Variants in STK10 observed in about 807,000 individuals in gnomAD.
STK10 encodes serine/threonine kinase 10.
In STK10, 78 loss-of-function variants were observed where a neutral mutation model predicts 113.8. That is an observed-to-expected ratio of 0.69 (90% confidence interval 0.57 to 0.83). The LOEUF is 0.83. Ranked by LOEUF, STK10 falls within the 40% of genes least tolerant of loss-of-function variation. The probability of loss-of-function intolerance (pLI) is 0.00; values close to 1 mark genes in which losing one functional copy is unlikely to be tolerated. For missense variants in STK10, 1,109 were observed against 1,280.1 expected (o/e 0.87, Z 2.04); for synonymous variants, 465 against 494.7 (o/e 0.94, Z 0.80).
At chr5:172,074,154 C>A (rs1360781257) in intron 12 of STK10, among the ~76,000 whole-genome samples, 1 of 152,066 alleles carries the variant, frequency 6.6e-6, no homozygotes, top group East Asian at 1.9e-4. Context: ...CAATCCCAAT[C>A]AAAAACTCAG....
chr5:172,146,683 A>G (rs1770094778), intron 2 of STK10, among the ~76,000 whole-genome samples: 1 of 152,208 alleles, frequency 6.6e-6, no homozygotes, highest in Non-Finnish European at 1.5e-5. Flanking sequence ...GCCAAGTCAG[A>G]TGTCTGGATT....
chr5:172,089,403 T>TGGATGGATGGATGGATGGATGGAA (rs1768637503), intron 10 of STK10, among the ~76,000 whole-genome samples: 11 of 144,944 alleles, frequency 7.6e-5, no homozygotes, highest in African/African-American at 2.7e-4. Context: ...CATGGATGGA[T>TGGATGGATGGATGGATGGATGGAA]GGATGGATGG....
intron 2 of STK10, among the ~76,000 whole-genome samples, chr5:172,131,749 T>G (rs1217833321): frequency 6.6e-6 from 1 of 152,192 alleles, no homozygotes; most frequent in Non-Finnish European, 1.5e-5. Context: ...TGGGGTTTAA[T>G]TAATAAAACA....
intron 7 of STK10, among the ~76,000 whole-genome samples, chr5:172,101,043 T>C (rs56679140): frequency 6.6e-6 from 1 of 152,202 alleles, no homozygotes; most frequent in Non-Finnish European, 1.5e-5. Context: ...CGTTTTACCA[T>C]CTGCTCAACA....
At chr5:172,056,662 G>A (rs1464361607) in intron 15 of STK10, among the ~76,000 whole-genome samples, 1 of 151,796 alleles carries the variant, frequency 6.6e-6, no homozygotes, top group Admixed American at 6.6e-5. Context: ...GAGGTCAGGG[G>A]TTTGAGACCA....
chr5:172,096,522 C>G lies in STK10; in HGVS notation c.909G>C (p.Leu303=), dbSNP rs1768858903. ...FVSSITSNKA[L]RELVAEAKAE... is the part of the protein sequence containing the mutation. ...CCTTGGCCTCAGCCACCAGCTCCCG[C>G]AGAGCCTTGTTACTGGTGATGCTGC... Residue 303 remains leucine, a synonymous_variant, in exon 8 of 19, where the codon CTG becomes CTC. Coordinates refer to ENST00000176763, the MANE Select transcript of STK10 (RefSeq NM_005990.4). 1 of 1,613,692 alleles carries G rather than the reference C, an allele frequency of 6.2e-7. No individual in the cohort carries two copies. Among genetic ancestry groups the G allele is most frequent in the Admixed American group, 1.7e-5 (1 of 60,010 alleles).
intron 12 of STK10, among the ~76,000 whole-genome samples, chr5:172,079,640 C>A (rs1200513412): frequency 6.6e-6 from 1 of 152,088 alleles, no homozygotes; most frequent in African/African-American, 2.4e-5. Context: ...CGGCTCACTG[C>A]AACCTCCGTC....
chr5:172,164,650 T>C (rs1021620914), intron 1 of STK10, among the ~76,000 whole-genome samples: 6 of 151,990 alleles, frequency 3.9e-5, no homozygotes, highest in African/African-American at 1.5e-4. Flanking sequence ...CCCCCCTATA[T>C]GGGGGAGGAT....
chr5:172,105,586 CG>C (rs1380227595), intron 7 of STK10, 69 bp downstream of exon 7: 1 of 1,503,492 alleles, frequency 6.7e-7, no homozygotes, highest in Non-Finnish European at 9.2e-7. Context: ...ACATGCCCAG[CG>C]TCCAGGTCAC....
chr5:172,162,918 C>A (rs569056709), intron 1 of STK10, among the ~76,000 whole-genome samples: 2 of 152,222 alleles, frequency 1.3e-5, no homozygotes, highest in Non-Finnish European at 2.9e-5. Context: ...ACTGACCAGA[C>A]GGCCAGGCCT....
At position 172,082,640 on chromosome 5, in the gene STK10, T is replaced by C. The variant is rs11741056; in HGVS notation, c.1810-135A>G. On this transcript the variant is annotated intron_variant, in intron 11 of 18. Transcript: ENST00000176763. The surrounding 1 kb of genome is among the most constrained non-coding windows in gnomAD (Gnocchi z 4.3). The stretch of plus-strand genomic sequence containing the variant: ...AATCCCAGCTCTACTACCCCGTTGC[T>C]GTGTGACCTGGGGCAAGTTACTTAG... 0.31 allele frequency: 362,800 copies of C among 1,184,784 alleles called. 62,366 individuals carry two copies. The highest frequency in any genetic ancestry group is 0.67 in the African/African-American group (43,471 of 64,598). 73.4% of individuals were successfully genotyped at this position (1,184,784 alleles called of 1,614,324 possible).
chr5:172,057,299 C>A lies in STK10; in HGVS notation c.2337+50G>T, dbSNP rs1253055164. ...CATCACATACAGCCTCATGGCTCTC[C>A]CAGGTCGGCCCGGCAGCAGATCCGA... On this transcript the variant is annotated intron_variant, in intron 15 of 18. Transcript: ENST00000176763. 1.9e-6 allele frequency: 3 copies of A among 1,559,348 alleles called. No individual in the cohort carries two copies. The African/African-American group carries it at 4.1e-5, about 21-fold the overall frequency.
At chr5:172,113,417 G>C (rs1274468249) in intron 4 of STK10, among the ~76,000 whole-genome samples, 2 of 152,168 alleles carry the variant, frequency 1.3e-5, no homozygotes, top group African/African-American at 2.4e-5. Context: ...AACCTCATGA[G>C]AAACCCAAGT....
At position 172,156,650 on chromosome 5, in the gene STK10, C is replaced by A; in HGVS notation, c.295G>T (p.Ala99Ser). The A allele has an allele frequency of 1.2e-6, 2 of 1,613,978 alleles. No homozygotes were observed. Among genetic ancestry groups the A allele is most frequent in the Non-Finnish European group, 1.7e-6 (2 of 1,179,932 alleles). ...CACAGCTTCCCGTCGTGATAGTAGG[C>A]TCCCAGGAGCTTCACAATGTAGGGG... ...DHPYIVKLLG[A>S]YYHDGKLWIM... is the part of the protein sequence containing the mutation. The change falls in exon 2 of 19, where the codon GCC becomes TCC. Residue 99 changes from alanine (A) to serine (S), a missense_variant. By Grantham distance (99) the Ala-to-Ser change is moderately conservative. Around this residue, in one of 5 missense-constraint regions of STK10, gnomAD observed 120 missense variants for 134.8 expected, o/e 0.89. Coordinates refer to ENST00000176763, the MANE Select transcript of STK10 (RefSeq NM_005990.4).
At chr5:172,072,170 A>G (rs1018189020) in intron 12 of STK10, among the ~76,000 whole-genome samples, 1 of 152,256 alleles carries the variant, frequency 6.6e-6, no homozygotes, top group African/African-American at 2.4e-5. Context: ...GATCATATCA[A>G]TTGATACATG....
chr5:172,116,972 G>A (rs1439281294), intron 4 of STK10, among the ~76,000 whole-genome samples: 3 of 151,860 alleles, frequency 2.0e-5, no homozygotes, highest in East Asian at 1.9e-4. Context: ...ACTCTCATTC[G>A]AATTCTCTTG....
Position 172,187,863 on chromosome 5 carries a change from G to A in STK10, c.156+24C>T. On this transcript the variant is annotated intron_variant, in intron 1 of 18. Transcript: ENST00000176763. This position sits in a 1 kb window ranked among gnomAD's most constrained non-coding sequence, Gnocchi z 4.6. ...TTCCGGAGCCCCTCGACGCGCGTCC[G>A]GCCACCCACCTCAGCGCCCTCACCT... The A allele has an allele frequency of 4.3e-6, 7 of 1,610,140 alleles. No individual in the cohort carries two copies. The highest frequency in any genetic ancestry group is 5.9e-6 in the Non-Finnish European group (7 of 1,178,486).
At chr5:172,099,971 C>T (rs79246531) in intron 7 of STK10, among the ~76,000 whole-genome samples, 3 of 152,116 alleles carry the variant, frequency 2.0e-5, no homozygotes, top group African/African-American at 7.2e-5. Flanking sequence ...GAAGGAGGGC[C>T]ATGGGGAAGA....
chr5:172,061,100 C>T, intron 14 of STK10, 39 bp downstream of exon 14: 1 of 1,574,490 alleles, frequency 6.4e-7, no homozygotes, highest in Non-Finnish European at 8.6e-7. Flanking sequence ...TCCACAGCGA[C>T]TCTGGGCCAA....
Sources: allele counts gnomAD v4.1 joint callset (sites outside exome capture counted in the v4.1 genomes callset), GRCh38; gene constraint gnomAD v4.1.1; regional missense constraint gnomAD v4.1.1; non-coding constraint Gnocchi (gnomAD v3.1); transcripts MANE v1.5; gene names NCBI Gene and HGNC (gene_info 2026-07-23, HGNC 2026-07-21).